The following KIF1B variants were observed in gnomAD, a reference collection of about 807,000 sequenced individuals.
KIF1B encodes the protein kinesin family member 1B.
Under a neutral mutation model 241.9 loss-of-function variants are expected in KIF1B, and 76 were observed. The ratio of observed to expected loss-of-function variants is 0.31; its 90% CI spans 0.26 to 0.38. The LOEUF is 0.38. Among genes scored for constraint, KIF1B ranks in the 10% least tolerant of loss-of-function variants. KIF1B has a pLI of 1.00. For synonymous variants in KIF1B, 750 were observed against 796.7 expected, an observed-to-expected ratio of 0.94 and a Z score of 0.99; for missense variants, 1,622 against 2,271.4, an observed-to-expected ratio of 0.71 and a Z score of 5.81.
At chr1:10,316,017 C>T (rs150570357) in intron 22 of KIF1B, among the ~76,000 whole-genome samples, 2,544 of 143,956 alleles carry the variant, frequency 0.018, 135 homozygotes, top group African/African-American at 0.062. Context: ...GATTGTGCCA[C>T]TGCACTCCAG....
intron 22 of KIF1B, chr1:10,304,524 A>G (rs1650726497): frequency 1.2e-6 from 2 of 1,613,776 alleles, no homozygotes; most frequent in Non-Finnish European, 1.7e-6. Flanking sequence ...AGGGCAATGC[A>G]GCCACTTCCT....
At position 10,368,500 on chromosome 1, in the gene KIF1B, G is replaced by T; in HGVS notation, c.4786G>T (p.Glu1596Ter). 6.2e-7 allele frequency: 1 copy of T among 1,614,070 alleles called. No individual in the cohort carries two copies. The highest frequency in any genetic ancestry group is 8.5e-7 in the Non-Finnish European group (1 of 1,179,962). ...LQLLTHTFNR[E>*]FSQVHGSVSD... ...ACTTCTCACCCACACTTTCAACAGA[G>T]AATTCAGCCAGGTGCACGGCAGCGT... The change falls in exon 44 of 49, where the codon GAA becomes TAA. Residue 1596 changes from glutamate to a stop codon, truncating the protein, a stop_gained. Transcript: ENST00000676179. LOFTEE classifies it high-confidence loss of function.
At chr1:10,273,709 CAAAAAAAAAAA>C (rs56349613) in intron 10 of KIF1B, among the ~76,000 whole-genome samples, 10 of 49,584 alleles carry the variant, frequency 2.0e-4, no homozygotes, top group African/African-American at 4.7e-4. Context: ...TCCTCCTCCT[CAAAAAAAAAAA>C]AAAAAAAAAA....
chr1:10,251,411 G>T (rs1647438273), intron 2 of KIF1B, among the ~76,000 whole-genome samples: 1 of 151,390 alleles, frequency 6.6e-6, no homozygotes, highest in African/African-American at 2.4e-5. Context: ...GGTAGAATTG[G>T]TAGCTAAAAG....
chr1:10,367,052 T>C (rs1418143611), intron 43 of KIF1B, among the ~76,000 whole-genome samples: 1 of 152,150 alleles, frequency 6.6e-6, no homozygotes, highest in African/African-American at 2.4e-5. Flanking sequence ...GAGAATTCTT[T>C]ATCTTTATTA....
In KIF1B at chr1:10,246,333, A is replaced by G. The variant is rs999506406; in HGVS notation, c.107-9914A>G. On this transcript the variant is annotated intron_variant, in intron 2 of 48. Transcript: ENST00000676179. ...AAGTCTTGCCATCTTTGCCTTCACA[A>G]TATATCCTGAATCAGTTACTTTTTG... is the stretch of plus-strand genomic sequence containing the variant. Among the ~76,000 whole-genome samples, 5 of 152,146 alleles carry G rather than the reference A, an allele frequency of 3.3e-5. No individual in the cohort carries two copies. The South Asian group carries it at 6.2e-4, about 19-fold the overall frequency.
chr1:10,364,126 A>T (rs1225151052), intron 41 of KIF1B, among the ~76,000 whole-genome samples: 3 of 151,194 alleles, frequency 2.0e-5, no homozygotes, highest in Admixed American at 6.6e-5. Context: ...TCAGCCAGTG[A>T]GCTACTGAGT....
At chr1:10,371,329 G>C in intron 45 of KIF1B, 67 bp downstream of exon 45, 1 of 1,581,838 alleles carries the variant, frequency 6.3e-7, no homozygotes, top group Non-Finnish European at 8.7e-7. Context: ...CCTTCCTCTA[G>C]CTCAATGGTT....
At position 10,340,779 on chromosome 1, in the gene KIF1B, A is replaced by G. The variant is rs187483548; in HGVS notation, c.3513+920A>G. Among the ~76,000 whole-genome samples the G allele has an allele frequency of 2.0e-4, 30 of 152,340 alleles. No homozygotes were observed. In the East Asian group the frequency reaches 5.8e-3, roughly 29 times the overall value. On this transcript the variant is annotated intron_variant, in intron 32 of 48. Transcript: ENST00000676179. Reference sequence around the variant, plus strand: ...CAAGAAAGCGAGACTCCCATCTCAAAAAAAATAAAAAAGTAATAATAAAAA... The same window carrying G: ...CAAGAAAGCGAGACTCCCATCTCAAGAAAAATAAAAAAGTAATAATAAAAA...
In KIF1B at chr1:10,303,500, C is replaced by T. The variant is rs1254548733; in HGVS notation, c.2115+6254C>T. 1 of 1,614,004 alleles carries T rather than the reference C, an allele frequency of 6.2e-7. No individual in the cohort carries two copies. Among genetic ancestry groups the T allele is most frequent in the East Asian group, 2.2e-5 (1 of 44,906 alleles). On this transcript the variant is annotated intron_variant, in intron 22 of 48. Transcript: ENST00000676179. The surrounding 1 kb of genome is among the most constrained non-coding windows in gnomAD (Gnocchi z 5.2). ...ATTGTCAAGATGAAGGAGCTTTGTG[C>T]CATGTATGGCAAGAAAGACCCCAAT...
At position 10,365,692 on chromosome 1, in the gene KIF1B, C is replaced by T. The variant is rs534965321; in HGVS notation, c.4752+44C>T. ...TTGCTGAACGTCTTCCCACAAGGCTCCACAAACTAGCCTCTCGGTTTATTC... is the reference window on the plus strand; with the variant it reads ...TTGCTGAACGTCTTCCCACAAGGCTTCACAAACTAGCCTCTCGGTTTATTC... On this transcript the variant is annotated intron_variant, in intron 43 of 48. Transcript: ENST00000676179. This position sits in a 1 kb window ranked among gnomAD's most constrained non-coding sequence, Gnocchi z 4.0. 1.9e-6 allele frequency: 3 copies of T among 1,612,424 alleles called. No homozygotes were observed. The highest frequency in any genetic ancestry group is 4.5e-5 in the East Asian group (2 of 44,898).
chr1:10,283,091 CAG>C (rs1649499349), intron 15 of KIF1B, among the ~76,000 whole-genome samples: 1 of 150,392 alleles, frequency 6.6e-6, no homozygotes, highest in Non-Finnish European at 1.5e-5. Context: ...CCTGTAGTCC[CAG>C]CTACTCCTGA....
intron 1 of KIF1B, among the ~76,000 whole-genome samples, chr1:10,212,430 G>A (rs1646705313): frequency 6.6e-6 from 1 of 152,154 alleles, no homozygotes; most frequent in South Asian, 2.1e-4. Context: ...ATCAATAACT[G>A]GGTTCAGCAT....
rs556438281 is a variant in KIF1B at position 10,381,337 on chromosome 1, C to T, written c.*4750C>T. On this transcript the variant is annotated 3_prime_UTR_variant, in exon 49 of 49. Coordinates refer to ENST00000676179, the MANE Select transcript of KIF1B (RefSeq NM_001365951.3). ...AGACTTTGCAAACTGATCTCTCCCC[C>T]GTGAAGGAGTTGAGCACATTAGCAA... 1.3e-5 allele frequency: 3 copies of T among 225,844 alleles called. No individual in the cohort carries two copies. Among genetic ancestry groups the T allele is most frequent in the South Asian group, 1.8e-4 (1 of 5,452 alleles). 14.0% of individuals were successfully genotyped at this position (225,844 alleles called of 1,614,324 possible). A position where few individuals can be genotyped will look rare whatever the true frequency, so the allele number is the denominator to read the frequency against.
intron 38 of KIF1B, among the ~76,000 whole-genome samples, chr1:10,359,657 G>C (rs893285597): frequency 6.8e-4 from 103 of 151,766 alleles, no homozygotes; most frequent in African/African-American, 2.5e-3. Context: ...GCTAACAAAT[G>C]GTATTTGTCT....
intron 1 of KIF1B, among the ~76,000 whole-genome samples, chr1:10,215,110 GT>G: frequency 7.8e-6 from 1 of 127,868 alleles, no homozygotes; most frequent in East Asian, 2.4e-4. Context: ...GCTTGTAAAT[GT>G]TTGATGGATT....
chr1:10,314,100 C>T (rs1238303384), intron 22 of KIF1B, among the ~76,000 whole-genome samples: 1 of 151,070 alleles, frequency 6.6e-6, no homozygotes, highest in Non-Finnish European at 1.5e-5. Flanking sequence ...ACCAGTCAGC[C>T]AGGCTGGTCT....
chr1:10,264,908 G>A (rs1193253226), intron 5 of KIF1B, among the ~76,000 whole-genome samples: 4 of 152,122 alleles, frequency 2.6e-5, no homozygotes, highest in Admixed American at 6.6e-5. Flanking sequence ...TGATCCACCC[G>A]CCTTGGCCTC....
intron 22 of KIF1B, among the ~76,000 whole-genome samples, chr1:10,318,617 G>C (rs979066477): frequency 1.3e-5 from 2 of 152,116 alleles, no homozygotes; most frequent in African/African-American, 4.8e-5. Context: ...TACTGAGGAA[G>C]CTGAGGCAGG....
Sources: gnomAD v4.1 joint callset for allele counts (sites outside exome capture counted in the v4.1 genomes callset) on GRCh38, gnomAD v4.1.1 for gene constraint, Gnocchi (gnomAD v3.1) non-coding constraint, MANE v1.5 for transcripts, NCBI Gene and HGNC (gene_info 2026-07-23, HGNC 2026-07-21) for gene names.